The following WIPF1 variants were observed in gnomAD, a reference collection of about 807,000 sequenced individuals.
WIPF1 encodes WAS/WASL-interacting protein family member 1.
A neutral mutation model predicts 35.4 loss-of-function variants in WIPF1; 13 were observed. The observed-to-expected ratio is 0.37, with a 90% CI of 0.24 to 0.58. The LOEUF is 0.58. WIPF1 is among the 20% of genes least tolerant of loss of function. The pLI is 0.74. For missense variants in WIPF1, 591 were observed against 667.0 expected (o/e 0.89, Z 1.25); for synonymous variants, 267 against 266.3 (o/e 1.00, Z -0.02).
At chr2:174,587,005 T>A (rs542399070) in intron 1 of WIPF1, among the ~76,000 whole-genome samples, 274 of 152,268 alleles carry the variant, frequency 1.8e-3, no homozygotes, top group Non-Finnish European at 2.6e-3. Context: ...CTTTAAAAAA[T>A]TTTTTTAAAT....
rs192825737 is a variant in WIPF1 at position 174,589,414 on chromosome 2, T to G, written c.-38-3803A>C. 2.6e-5 allele frequency among the ~76,000 whole-genome samples: 4 copies of G among 152,286 alleles called. No homozygotes were observed. The East Asian group carries it at 7.7e-4, about 29-fold the overall frequency. On this transcript the variant is annotated intron_variant, in intron 1 of 7. Transcript: ENST00000679041. Reference sequence around the variant, plus strand: ...TGTTGCAGACTGGAACTTACTTTCCTGGCAGCCTCCAACTTCCCCAGAGAA... The same window carrying G: ...TGTTGCAGACTGGAACTTACTTTCCGGGCAGCCTCCAACTTCCCCAGAGAA...
chr2:174,569,072 T>G (rs1684753431), intron 5 of WIPF1, among the ~76,000 whole-genome samples: 2 of 152,304 alleles, frequency 1.3e-5, no homozygotes, highest in South Asian at 4.2e-4. Flanking sequence ...CAAAATGGCC[T>G]TAGTAATTAT....
chr2:174,599,742 G>A (rs1402589292), upstream of WIPF1, among the ~76,000 whole-genome samples: 1 of 151,866 alleles, frequency 6.6e-6, no homozygotes, highest in Non-Finnish European at 1.5e-5. Context: ...CGTATTTTCA[G>A]AATTATTTTG....
At chr2:174,674,285 G>A (rs1688082995) in intron 1 of WIPF1, among the ~76,000 whole-genome samples, 3 of 152,182 alleles carry the variant, frequency 2.0e-5, no homozygotes, top group Admixed American at 1.3e-4. Context: ...TATAACTAAT[G>A]CTCTCAAAGA....
intron 3 of WIPF1, among the ~76,000 whole-genome samples, chr2:174,580,247 G>A (rs758938981): frequency 1.3e-5 from 2 of 152,120 alleles, no homozygotes; most frequent in African/African-American, 4.8e-5. Flanking sequence ...CACTGCGCCC[G>A]GCCATAGTTC....
At chr2:174,585,889 G>A (rs1266352195) in intron 1 of WIPF1, among the ~76,000 whole-genome samples, 1 of 152,162 alleles carries the variant, frequency 6.6e-6, no homozygotes, top group Non-Finnish European at 1.5e-5. Context: ...CGACCCAGGT[G>A]GGCCCAGTTA....
intron 1 of WIPF1, among the ~76,000 whole-genome samples, chr2:174,651,333 C>A (rs1687528462): frequency 6.6e-6 from 1 of 152,024 alleles, no homozygotes; most frequent in Non-Finnish European, 1.5e-5. Flanking sequence ...ACACTACTAT[C>A]TTTTTTAAAA....
At chr2:174,624,820 G>A (rs2105921225) in intron 1 of WIPF1, among the ~76,000 whole-genome samples, 1 of 152,244 alleles carries the variant, frequency 6.6e-6, no homozygotes, top group Middle Eastern at 3.4e-3. Context: ...TACCCAGGAT[G>A]TCTGCACCAG....
chr2:174,657,803 G>A (rs190977968), intron 1 of WIPF1, among the ~76,000 whole-genome samples: 12 of 151,808 alleles, frequency 7.9e-5, no homozygotes, highest in East Asian at 5.8e-4. Flanking sequence ...CCAGCTACTC[G>A]GGAGGCTGGG....
intron 1 of WIPF1, among the ~76,000 whole-genome samples, chr2:174,591,919 AAG>A (rs1685628850): frequency 6.6e-6 from 1 of 152,214 alleles, no homozygotes; most frequent in African/African-American, 2.4e-5. Context: ...CTGTGAGAGA[AAG>A]AGAACTGCTC....
At chr2:174,652,984 T>G (rs997664198) in intron 1 of WIPF1, among the ~76,000 whole-genome samples, 15 of 152,172 alleles carry the variant, frequency 9.9e-5, no homozygotes, top group Admixed American at 5.2e-4. Context: ...AAAATAAACA[T>G]TGAATATATA....
chr2:174,615,376 A>T (rs1436218490), intron 1 of WIPF1, among the ~76,000 whole-genome samples: 1 of 152,242 alleles, frequency 6.6e-6, no homozygotes, highest in African/African-American at 2.4e-5. Flanking sequence ...CATAACAATC[A>T]CTATAAATGT....
chr2:174,595,105 AAAAAATATATATATAT>A lies in WIPF1; in HGVS notation c.-39+2480_-39+2495del, dbSNP rs1165785459. Among the ~76,000 whole-genome samples the A allele has an allele frequency of 2.0e-4, 8 of 40,566 alleles. 1 individual carries two copies. The highest frequency in any genetic ancestry group is 3.4e-4 in the Admixed American group (1 of 2,972). The allele number at this position is 40,566 out of a possible 152,430, so 26.6% of individuals were successfully genotyped here. The stretch of plus-strand genomic sequence containing the variant: ...CATCTCTACAAAAAAAAAAAAAAAA[AAAAAATATATATATAT>A]ATATATATATATATATATAATTAAC... On this transcript the variant is annotated intron_variant, in intron 1 of 7. Coordinates refer to ENST00000679041, the MANE Select transcript of WIPF1 (RefSeq NM_001375834.1).
At chr2:174,611,778 T>C (rs890137983) in intron 1 of WIPF1, among the ~76,000 whole-genome samples, 7 of 152,230 alleles carry the variant, frequency 4.6e-5, no homozygotes, top group Non-Finnish European at 8.8e-5. Flanking sequence ...TGTTGAATTT[T>C]TTTGAGATCA....
At chr2:174,574,898 C>A (rs1409132355) in intron 4 of WIPF1, 1 of 717,074 alleles carries the variant, frequency 1.4e-6, no homozygotes, top group Non-Finnish European at 2.6e-6. Flanking sequence ...CCAGGGCCAG[C>A]AAGTTCTATT....
chr2:174,599,797 CTCTCTCTCTCTCTCTAGCTA>C (rs1156917833), upstream of WIPF1, among the ~76,000 whole-genome samples: 3 of 149,392 alleles, frequency 2.0e-5, no homozygotes, highest in East Asian at 5.8e-4. Flanking sequence ...CACACACTCT[CTCTCTCTCTCTCTCTAGCTA>C]TCTCTCTCTC....
chr2:174,576,762 T>A (rs1410076392), intron 3 of WIPF1, among the ~76,000 whole-genome samples: 1 of 152,208 alleles, frequency 6.6e-6, no homozygotes, highest in African/African-American at 2.4e-5. Flanking sequence ...ACTAATGCAA[T>A]GGTATTTGTC....
chr2:174,680,466 G>A (rs993838697), intron 1 of WIPF1, among the ~76,000 whole-genome samples: 1 of 152,222 alleles, frequency 6.6e-6, no homozygotes, highest in African/African-American at 2.4e-5. Flanking sequence ...AAGGCTTCAG[G>A]AAGACCACAG....
intron 1 of WIPF1, among the ~76,000 whole-genome samples, chr2:174,652,032 G>A (rs1687543375): frequency 6.6e-6 from 1 of 152,218 alleles, no homozygotes; most frequent in African/African-American, 2.4e-5. Flanking sequence ...ATGGCATGTA[G>A]CTGGACTTTT....
Sources: allele counts gnomAD v4.1 joint callset (sites outside exome capture counted in the v4.1 genomes callset), GRCh38; gene constraint gnomAD v4.1.1; transcripts MANE v1.5; gene names NCBI Gene and HGNC (gene_info 2026-07-23, HGNC 2026-07-21).